Variants in LIMCH1 observed in about 807,000 individuals in gnomAD.
LIMCH1 encodes LIM and calponin homology domains 1, also known as LIM and calponin homology domains-containing protein 1.
A neutral mutation model predicts 176.5 loss-of-function variants in LIMCH1; 113 were observed. The observed-to-expected ratio is 0.64, with a 90% CI of 0.55 to 0.75. The LOEUF (loss-of-function observed/expected upper bound fraction) is 0.75. Among genes scored for constraint, LIMCH1 ranks in the 30% least tolerant of loss-of-function variants. The pLI is 0.00. For synonymous variants in LIMCH1, 619 were observed against 645.9 expected (o/e 0.96, Z 0.63); for missense variants, 1,674 against 1,814.9 (o/e 0.92, Z 1.41).
rs1414893806 is a variant in LIMCH1 at position 41,547,861 on chromosome 4, GTGTATATATATA to G, written c.-241+9513_-241+9524del. Among the ~76,000 whole-genome samples the G allele has an allele frequency of 9.1e-4, 77 of 84,974 alleles. 1 individual carries two copies. Among genetic ancestry groups the G allele is most frequent in the African/African-American group, 3.0e-3 (76 of 25,378 alleles). 55.7% of individuals were successfully genotyped at this position (84,974 alleles called of 152,430 possible). On this transcript the variant is annotated intron_variant, in intron 1 of 31. Coordinates refer to ENST00000503057, the MANE Select transcript of LIMCH1 (RefSeq NM_001330672.2). ...GTTTTATGATATATAATTTGTGTGTGTGTATATATATATATATATATATATATATATATATAA... is the reference window on the plus strand; with the variant it reads ...GTTTTATGATATATAATTTGTGTGTGTATATATATATATATATATATATAA...
At position 41,619,978 on chromosome 4, in the gene LIMCH1, C is replaced by T. The variant is rs2092438637; in HGVS notation, c.459-446C>T. 1.6e-5 allele frequency: 3 copies of T among 182,270 alleles called. No individual in the cohort carries two copies. In the South Asian group the frequency reaches 3.7e-4, roughly 22 times the overall value. 11.3% of individuals were successfully genotyped at this position (182,270 alleles called of 1,614,324 possible). A position where few individuals can be genotyped will look rare whatever the true frequency, so the allele number is the denominator to read the frequency against. On this transcript the variant is annotated intron_variant, in intron 6 of 31. Coordinates refer to ENST00000503057, the MANE Select transcript of LIMCH1 (RefSeq NM_001330672.2). Reference sequence around the variant, plus strand: ...GATTATGCTTTTGTATTTATTTATTCATTTATTCAGCAAGTACTTATTGAG... The same window carrying T: ...GATTATGCTTTTGTATTTATTTATTTATTTATTCAGCAAGTACTTATTGAG...
chr4:41,640,528 C>T (rs1411214099), intron 14 of LIMCH1, among the ~76,000 whole-genome samples: 2 of 152,146 alleles, frequency 1.3e-5, no homozygotes. Context: ...TTACAAAATG[C>T]AGCCCCAGGG....
chr4:41,414,582 G>A (rs566010715), intron 1 of LIMCH1, among the ~76,000 whole-genome samples: 34 of 152,260 alleles, frequency 2.2e-4, no homozygotes, highest in African/African-American at 7.7e-4. Flanking sequence ...TGTTATGACC[G>A]TAAATTATGC....
intron 21 of LIMCH1, 87 bp from the exon 22 acceptor site, chr4:41,671,467 C>G: frequency 1.0e-6 from 1 of 1,001,848 alleles, no homozygotes; most frequent in South Asian, 1.4e-5. Context: ...GATGTAGGAA[C>G]TATACTCCAC....
intron 19 of LIMCH1, chr4:41,661,781 T>C (rs28510221): frequency 0.31 from 133,379 of 436,744 alleles, 22,514 homozygotes; most frequent in African/African-American, 0.52. Flanking sequence ...ATAAAGAATA[T>C]TGTGTTCTTC....
At chr4:41,437,530 A>C (rs546816603) in intron 1 of LIMCH1, among the ~76,000 whole-genome samples, 1 of 152,362 alleles carries the variant, frequency 6.6e-6, no homozygotes, top group South Asian at 2.1e-4. Flanking sequence ...GGAAAGAATT[A>C]AAGCACAATT....
chr4:41,544,920 C>T (rs2079160358), intron 1 of LIMCH1, among the ~76,000 whole-genome samples: 2 of 152,310 alleles, frequency 1.3e-5, no homozygotes, highest in Non-Finnish European at 2.9e-5. Flanking sequence ...ATTGAAACTC[C>T]AGTTGCCAAG....
At chr4:41,384,644 G>A (rs1581319952) in intron 1 of LIMCH1, among the ~76,000 whole-genome samples, 1 of 152,198 alleles carries the variant, frequency 6.6e-6, no homozygotes, top group African/African-American at 2.4e-5. Context: ...CATGGCAGTG[G>A]CATTTGCTGA....
At chr4:41,661,628 G>A in intron 19 of LIMCH1, 118 bp downstream of exon 19, 5 of 769,934 alleles carry the variant, frequency 6.5e-6, no homozygotes, top group Non-Finnish European at 8.9e-6. Context: ...GACTCCAGGA[G>A]TGGTGCGGTT....
intron 3 of LIMCH1, among the ~76,000 whole-genome samples, chr4:41,604,948 C>T (rs1434852568): frequency 6.6e-6 from 1 of 151,866 alleles, no homozygotes; most frequent in Non-Finnish European, 1.5e-5. Context: ...TCTGGCCTAC[C>T]AAGTAGAAGG....
intron 2 of LIMCH1, among the ~76,000 whole-genome samples, chr4:41,601,173 C>T (rs550100259): frequency 1.3e-5 from 2 of 152,288 alleles, no homozygotes; most frequent in South Asian, 2.1e-4. Context: ...CTTTTCATCA[C>T]TAGAGAAATA....
At chr4:41,453,936 C>A (rs1561421523) in intron 1 of LIMCH1, among the ~76,000 whole-genome samples, 1 of 152,038 alleles carries the variant, frequency 6.6e-6, no homozygotes, top group Non-Finnish European at 1.5e-5. Flanking sequence ...TCTGCCTCCC[C>A]TCTTCTACCC....
chr4:41,437,213 C>T (rs909132249), intron 1 of LIMCH1, among the ~76,000 whole-genome samples: 2 of 152,188 alleles, frequency 1.3e-5, no homozygotes, highest in Admixed American at 6.5e-5. Flanking sequence ...TACAGAAAAA[C>T]TATTATTCTC....
intron 1 of LIMCH1, among the ~76,000 whole-genome samples, chr4:41,398,521 T>G (rs939399581): frequency 1.3e-5 from 2 of 152,192 alleles, no homozygotes; most frequent in African/African-American, 4.8e-5. Context: ...AGAACTTTGC[T>G]GTTCAAATGG....
At chr4:41,638,060 C>T (rs900873326) in intron 13 of LIMCH1, among the ~76,000 whole-genome samples, 14 of 152,016 alleles carry the variant, frequency 9.2e-5, no homozygotes, top group Admixed American at 9.2e-4. Context: ...CCTTAAAACT[C>T]GCCTTTGCTG....
chr4:41,426,292 AT>A (rs2061096713), intron 1 of LIMCH1, among the ~76,000 whole-genome samples: 2 of 152,128 alleles, frequency 1.3e-5, no homozygotes, highest in South Asian at 4.1e-4. Flanking sequence ...AAGTGCTGGG[AT>A]TACAGGCGTG....
At chr4:41,486,370 A>T (rs551822167) in intron 1 of LIMCH1, among the ~76,000 whole-genome samples, 18 of 152,328 alleles carry the variant, frequency 1.2e-4, no homozygotes, top group Admixed American at 1.1e-3. Flanking sequence ...TGGCACAGTA[A>T]TAAGGGAAGG....
chr4:41,464,692 G>C (rs113145992), intron 1 of LIMCH1, among the ~76,000 whole-genome samples: 1,754 of 152,092 alleles, frequency 0.012, 39 homozygotes, highest in African/African-American at 0.039. Context: ...TTCTTAAGTA[G>C]GTCAAGTCTG....
At chr4:41,383,908 G>A (rs1157404618) in intron 1 of LIMCH1, among the ~76,000 whole-genome samples, 2 of 152,126 alleles carry the variant, frequency 1.3e-5, no homozygotes, top group African/African-American at 4.8e-5. Context: ...AGTGAGAAAC[G>A]TGGACAATTA....
Sources: allele counts gnomAD v4.1 joint callset (sites outside exome capture counted in the v4.1 genomes callset), GRCh38; gene constraint gnomAD v4.1.1; transcripts MANE v1.5; gene names NCBI Gene and HGNC (gene_info 2026-07-23, HGNC 2026-07-21).